COL4A4: variants seen among roughly 807,000 people sequenced by gnomAD.
The protein encoded by COL4A4 is collagen alpha-4(IV) chain.
COL4A4 carries 105 observed loss-of-function variants against 192.9 expected under a neutral mutation model. That is an observed-to-expected ratio of 0.54 (90% CI 0.46 to 0.64). The LOEUF (loss-of-function observed/expected upper bound fraction) is 0.64, where lower values mean the gene tolerates loss of function less well. Among genes scored for constraint, COL4A4 ranks in the 30% least tolerant of loss-of-function variants. COL4A4 has a pLI of 0.00. For missense variants in COL4A4, 1,967 were observed against 2,169.3 expected, an observed-to-expected ratio of 0.91 and a Z score of 1.85; for synonymous variants, 762 against 769.9, an observed-to-expected ratio of 0.99 and a Z score of 0.17.
intron 7 of COL4A4, among the ~76,000 whole-genome samples, chr2:227,116,154 G>A (rs80110363): frequency 0.013 from 1,877 of 143,022 alleles, 34 homozygotes; most frequent in African/African-American, 0.055. Flanking sequence ...GGGAAGAAAC[G>A]TAACAATGTA....
chr2:227,002,473 C>T (rs2149682401), downstream of COL4A4, among the ~76,000 whole-genome samples: 1 of 152,328 alleles, frequency 6.6e-6, no homozygotes, highest in African/African-American at 2.4e-5. Flanking sequence ...CCAAGCAGCT[C>T]CCGTGGGGTT....
At chr2:227,138,155 A>AATAATAATC (rs1374027370) in intron 4 of COL4A4, among the ~76,000 whole-genome samples, 3 of 151,146 alleles carry the variant, frequency 2.0e-5, no homozygotes, top group Admixed American at 1.3e-4. Flanking sequence ...TAATAATAAT[A>AATAATAATC]ATCAAAAAAA....
At chr2:227,130,733 C>T (rs1456019374) in intron 4 of COL4A4, among the ~76,000 whole-genome samples, 1 of 152,218 alleles carries the variant, frequency 6.6e-6, no homozygotes, top group Non-Finnish European at 1.5e-5. Flanking sequence ...TGACCACAAG[C>T]GCTGCAAGTC....
Position 227,099,665 on chromosome 2 carries a change from G to C in COL4A4, c.1054C>G (p.Pro352Ala). Residue 352 changes from proline to alanine, a missense_variant, in exon 18 of 48, where the codon CCA becomes GCA. By Grantham distance (27) the Pro-to-Ala change is conservative (BLOSUM62 -1). Transcript: ENST00000396625. ...PKGDPGNRGH[P>A]GPPGVLVTPP... ...GTCACCAAAACACCTGGTGGTCCTG[G>C]GTGCCCTCGATTTCCAGGATCCCCC... The C allele has an allele frequency of 6.2e-7, 1 of 1,614,006 alleles. No individual in the cohort carries two copies. Among genetic ancestry groups the C allele is most frequent in the African/African-American group, 1.3e-5 (1 of 74,992 alleles).
Position 227,032,202 on chromosome 2 carries a change from G to C in COL4A4, c.3652C>G (p.Pro1218Ala). The C allele has an allele frequency of 6.2e-7, 1 of 1,614,146 alleles. No individual in the cohort carries two copies. The highest frequency in any genetic ancestry group is 8.5e-7 in the Non-Finnish European group (1 of 1,179,994). The change falls in exon 39 of 48, where the codon CCA becomes GCA. Residue 1218 changes from proline to alanine, a missense_variant. Pro to Ala is a conservative substitution (Grantham distance 27). Coordinates refer to ENST00000396625, the MANE Select transcript of COL4A4 (RefSeq NM_000092.5). ...CGAGGACCTGGAGGAGAGATTCCTG[G>C]GCTCCCAGGGTCTCCTCTCTCCCCT... Reference protein sequence around the residue: ...LKGERGDPGSPGISPPGPRGK... With the variant: ...LKGERGDPGSAGISPPGPRGK...
At chr2:227,045,595 C>G (rs1972325286) in intron 35 of COL4A4, among the ~76,000 whole-genome samples, 1 of 151,176 alleles carries the variant, frequency 6.6e-6, no homozygotes, top group South Asian at 2.1e-4. Context: ...CATGACAAAA[C>G]TCTGTCTCTA....
chr2:227,033,528 G>A (rs1326688449), intron 37 of COL4A4, 47 bp from the exon 38 acceptor site: 5 of 1,539,506 alleles, frequency 3.2e-6, no homozygotes, highest in Middle Eastern at 4.1e-4. Context: ...CCAGCCACCG[G>A]TACTCACTCT....
chr2:227,076,203 C>T (rs559937785), intron 25 of COL4A4, among the ~76,000 whole-genome samples: 2 of 152,176 alleles, frequency 1.3e-5, no homozygotes, highest in East Asian at 3.9e-4. Flanking sequence ...GCAAAAAGAA[C>T]AAAGCTGGAG....
chr2:227,062,696 A>T, intron 25 of COL4A4, 98 bp from the exon 26 acceptor site: 1 of 840,222 alleles, frequency 1.2e-6, no homozygotes, highest in South Asian at 1.4e-5. Context: ...TTTTCTGTAT[A>T]GTATATGCAG....
intron 25 of COL4A4, among the ~76,000 whole-genome samples, chr2:227,068,757 A>G (rs1448148207): frequency 6.7e-6 from 1 of 149,244 alleles, no homozygotes. Flanking sequence ...CACAGCCAAT[A>G]TCATACTGAA....
At chr2:227,099,360 C>T (rs1379372633) in intron 18 of COL4A4, among the ~76,000 whole-genome samples, 1 of 152,194 alleles carries the variant, frequency 6.6e-6, no homozygotes, top group East Asian at 1.9e-4. Flanking sequence ...AGCCACTGAA[C>T]CCAGCCAGTA....
At chr2:227,120,552 G>T (rs1248402340) in intron 5 of COL4A4, among the ~76,000 whole-genome samples, 1 of 152,080 alleles carries the variant, frequency 6.6e-6, no homozygotes, top group South Asian at 2.1e-4. Flanking sequence ...TGCTCCTCTG[G>T]AAAGGGGCCA....
At position 227,060,092 on chromosome 2, in the gene COL4A4, C is replaced by G; in HGVS notation, c.2164+44G>C. The G allele has an allele frequency of 4.6e-6, 4 of 863,020 alleles. 1 individual carries two copies. The highest frequency in any genetic ancestry group is 7.3e-4 in the Middle Eastern group (2 of 2,740). The allele number at this position is 863,020 out of a possible 1,614,324, so 53.5% of individuals were successfully genotyped here. On this transcript the variant is annotated intron_variant, in intron 27 of 47. Coordinates refer to ENST00000396625, the MANE Select transcript of COL4A4 (RefSeq NM_000092.5). ...TGTTAAAAAGTTCCTGATAGATATT[C>G]CCAAAGCAGAAAAAAAAAAAAAAAA...
chr2:227,099,959 A>T (rs1358516565), intron 17 of COL4A4, among the ~76,000 whole-genome samples: 1 of 152,226 alleles, frequency 6.6e-6, no homozygotes, highest in Non-Finnish European at 1.5e-5. Flanking sequence ...TATGCCTATA[A>T]ATTGGATACC....
At chr2:226,977,569 G>A in the COL4A4 span, among the ~76,000 whole-genome samples, 11 of 152,266 alleles carry the variant, frequency 7.2e-5, no homozygotes, top group African/African-American at 2.6e-4. Context: ...GGTGAACCGT[G>A]AAACACCATC....
intron 38 of COL4A4, among the ~76,000 whole-genome samples, chr2:227,032,680 G>A (rs1048761711): frequency 1.3e-5 from 2 of 152,184 alleles, no homozygotes; most frequent in African/African-American, 4.8e-5. Flanking sequence ...GTGTTTTCTT[G>A]GAAGGCACAC....
At chr2:227,120,546 C>T (rs2061718750) in intron 5 of COL4A4, among the ~76,000 whole-genome samples, 1 of 152,106 alleles carries the variant, frequency 6.6e-6, no homozygotes, top group Admixed American at 6.5e-5. Flanking sequence ...AGAGCATGCT[C>T]CTCTGGAAAG....
chr2:227,065,933 CG>C (rs2058309344), intron 25 of COL4A4, among the ~76,000 whole-genome samples: 2 of 152,114 alleles, frequency 1.3e-5, no homozygotes, highest in Admixed American at 1.3e-4. Flanking sequence ...CTCCGAGCTA[CG>C]GGGGAACATT....
At chr2:227,139,936 T>C (rs2063086585) in intron 4 of COL4A4, among the ~76,000 whole-genome samples, 1 of 152,146 alleles carries the variant, frequency 6.6e-6, no homozygotes, top group Non-Finnish European at 1.5e-5. Flanking sequence ...AAGACTAGTG[T>C]CATATAAAAC....
Sources: allele counts gnomAD v4.1 joint callset (sites outside exome capture counted in the v4.1 genomes callset), GRCh38; gene constraint gnomAD v4.1.1; transcripts MANE v1.5; gene names NCBI Gene and HGNC (gene_info 2026-07-23, HGNC 2026-07-21).